Variants in OGG1 observed in about 807,000 individuals in gnomAD.
OGG1 encodes the protein N-glycosylase/DNA lyase.
In OGG1, 35 loss-of-function variants were observed where a neutral mutation model predicts 42.3. The ratio of observed to expected loss-of-function variants is 0.83; its 90% CI spans 0.63 to 1.10. OGG1 has a LOEUF of 1.10. OGG1 is among the 50% of genes least tolerant of loss of function. The pLI is 0.00. For missense variants in OGG1, 484 were observed against 446.7 expected (o/e 1.08, Z -0.75); for synonymous variants, 189 against 179.0 (o/e 1.06, Z -0.44).
chr3:9,757,602 G>A, downstream of OGG1: 1 of 1,614,176 alleles, frequency 6.2e-7, no homozygotes, highest in East Asian at 2.2e-5. This position sits in a 1 kb window ranked among gnomAD's most constrained non-coding sequence, Gnocchi z 4.5. Flanking sequence ...AGTCTCGACA[G>A]CAACAGCCAG....
chr3:9,790,728 CA>C (rs1460733290), downstream of OGG1, among the ~76,000 whole-genome samples: 1 of 152,206 alleles, frequency 6.6e-6, no homozygotes, highest in Non-Finnish European at 1.5e-5. Context: ...TTAATCCTCA[CA>C]AAAGCACTAA....
downstream of OGG1, chr3:9,760,789 C>T (rs746977343): frequency 2.5e-6 from 4 of 1,613,612 alleles, no homozygotes; most frequent in African/African-American, 5.3e-5. Context: ...AGAAACTCAT[C>T]CTCATTTCCA....
downstream of OGG1, among the ~76,000 whole-genome samples, chr3:9,770,580 G>A (rs1393799644): frequency 1.3e-5 from 2 of 152,186 alleles, no homozygotes; most frequent in African/African-American, 4.8e-5. Context: ...GGTATTGGGG[G>A]CAGAGGGAAT....
At chr3:9,770,192 T>C (rs1193103304), downstream of OGG1, among the ~76,000 whole-genome samples, 1 of 152,194 alleles carries the variant, frequency 6.6e-6, no homozygotes, top group African/African-American at 2.4e-5. Flanking sequence ...AGAGATGATT[T>C]TCAAATCAGC....
Position 9,787,264 on chromosome 3 carries a change from C to T in OGG1, c.383-464C>T, listed in dbSNP as rs1171497410. 48 of 1,614,204 alleles carry T rather than the reference C, an allele frequency of 3.0e-5. No homozygotes were observed. Among genetic ancestry groups the T allele is most frequent in the Middle Eastern group, 1.7e-4 (1 of 6,054 alleles). ...CTTCTTGTCAGCCACAGCCGCTGCC[C>T]GGGCCCCATCCTTCTGCTCCTCCAG... On this transcript the variant is annotated intron_variant, in intron 3 of 3. Transcript: ENST00000426518.
At chr3:9,753,103 A>G (rs961871624) in intron 3 of OGG1, among the ~76,000 whole-genome samples, 4 of 151,802 alleles carry the variant, frequency 2.6e-5, no homozygotes, top group African/African-American at 4.8e-5. Flanking sequence ...TGTAATCCCA[A>G]CACTTTGGGA....
intron 2 of OGG1, among the ~76,000 whole-genome samples, chr3:9,775,878 G>A (rs2078357228): frequency 6.6e-6 from 1 of 152,132 alleles, no homozygotes; most frequent in Admixed American, 6.6e-5. Flanking sequence ...GACCTCAGAT[G>A]ATCCGCCTTC....
chr3:9,751,999 C>G, intron 3 of OGG1, 50 bp downstream of exon 3: 1 of 1,553,244 alleles, frequency 6.4e-7, no homozygotes, highest in Non-Finnish European at 8.9e-7. Flanking sequence ...CTTTCAAGAT[C>G]TGTTCATTTC....
chr3:9,785,381 C>T (rs1209995283), intron 3 of OGG1: 1 of 1,613,958 alleles, frequency 6.2e-7, no homozygotes, highest in African/African-American at 1.3e-5. Flanking sequence ...CTTTCCCAGA[C>T]ATGTCAGGAA....
At chr3:9,786,982 C>A (rs756377893) in intron 3 of OGG1, 1 of 1,587,940 alleles carries the variant, frequency 6.3e-7, no homozygotes, top group Non-Finnish European at 8.6e-7. Flanking sequence ...AAATATGGTT[C>A]CTCTTTTGGG....
intron 2 of OGG1, among the ~76,000 whole-genome samples, chr3:9,775,250 C>T (rs920532646): frequency 6.6e-6 from 1 of 151,684 alleles, no homozygotes; most frequent in Admixed American, 6.6e-5. Flanking sequence ...AAAAAAAACC[C>T]CAAAAAAACA....
intron 3 of OGG1, chr3:9,787,243 T>C (rs2078636354): frequency 1.2e-6 from 2 of 1,614,198 alleles, no homozygotes; most frequent in Non-Finnish European, 1.7e-6. Flanking sequence ...GCCTTTCTTC[T>C]TGTCAGCCAC....
Position 9,751,833 on chromosome 3 carries a change from A to G in OGG1, c.449A>G (p.Asn150Ser). Reference sequence around the variant, plus strand: ...TTCTCTTTTATCTGTTCCTCCAACAACAACATCGCCCGCATCACTGGCATG... The same window carrying G: ...TTCTCTTTTATCTGTTCCTCCAACAGCAACATCGCCCGCATCACTGGCATG... ...CLFSFICSSN[N>S]NIARITGMVE... is the part of the protein sequence containing the mutation. The change falls in exon 3 of 7, where the codon AAC becomes AGC. Residue 150 changes from asparagine to serine, a missense_variant. Transcript: ENST00000344629. 6.2e-7 allele frequency: 1 copy of G among 1,614,216 alleles called. No homozygotes were observed. The highest frequency in any genetic ancestry group is 8.5e-7 in the Non-Finnish European group (1 of 1,180,044).
intron 7 of OGG1, among the ~76,000 whole-genome samples, chr3:9,762,744 G>A (rs968658731): frequency 2.0e-5 from 3 of 152,022 alleles, no homozygotes; most frequent in Admixed American, 6.6e-5. Flanking sequence ...GTTCCTTTGA[G>A]TATCTGGACT....
At position 9,750,683 on chromosome 3, in the gene OGG1, A is replaced by G. The variant is rs536376391; in HGVS notation, c.137+260A>G. The G allele has an allele frequency of 7.2e-6, 5 of 689,970 alleles. No individual in the cohort carries two copies. In the Admixed American group the frequency reaches 7.8e-5, roughly 11 times the overall value. The allele number at this position is 689,970 out of a possible 1,614,324, so 42.7% of individuals were successfully genotyped here. A position where few individuals can be genotyped will look rare whatever the true frequency, so the allele number is the denominator to read the frequency against. On this transcript the variant is annotated intron_variant, in intron 1 of 6. Coordinates refer to ENST00000344629, the MANE Select transcript of OGG1 (RefSeq NM_002542.6). ...GAGACAGGGTCTCGCTCTGTTGCCCAGGTAGGAATGCAGAGAGGCCCATTC... is the reference window on the plus strand; with the variant it reads ...GAGACAGGGTCTCGCTCTGTTGCCCGGGTAGGAATGCAGAGAGGCCCATTC...
intron 3 of OGG1, among the ~76,000 whole-genome samples, chr3:9,752,401 GCA>G: frequency 6.6e-6 from 1 of 152,014 alleles, no homozygotes. Context: ...ACTGCACCTA[GCA>G]CAGTGTTTGG....
chr3:9,766,345 T>C (rs1313755877), exon 8 of OGG1: 5 of 675,212 alleles, frequency 7.4e-6, no homozygotes, highest in South Asian at 1.5e-5. Context: ...GGATTATGTG[T>C]ACAGTTGGTT....
At chr3:9,753,998 G>A (rs139541157) in intron 3 of OGG1, among the ~76,000 whole-genome samples, 220 of 152,250 alleles carry the variant, frequency 1.4e-3, no homozygotes, top group Non-Finnish European at 2.8e-3. Context: ...AATTAGCCAG[G>A]CATGGTGACA....
chr3:9,775,015 C>T (rs2078347242), intron 2 of OGG1, among the ~76,000 whole-genome samples: 1 of 150,720 alleles, frequency 6.6e-6, no homozygotes, highest in Non-Finnish European at 1.5e-5. Context: ...TTTGGGAGGC[C>T]GAGGCAGGAG....
Sources: gnomAD v4.1 joint callset for allele counts (sites outside exome capture counted in the v4.1 genomes callset) on GRCh38, gnomAD v4.1.1 for gene constraint, Gnocchi (gnomAD v3.1) non-coding constraint, MANE v1.5 for transcripts, NCBI Gene and HGNC (gene_info 2026-07-23, HGNC 2026-07-21) for gene names.